Variants in LRP6 observed in about 807,000 individuals in gnomAD.
LRP6 encodes low-density lipoprotein receptor-related protein 6.
Under a neutral mutation model 184.1 loss-of-function variants are expected in LRP6, and 43 were observed. The ratio of observed to expected loss-of-function variants is 0.23; its 90% CI spans 0.18 to 0.30. The LOEUF is 0.30. Among genes scored for constraint, LRP6 ranks in the 10% least tolerant of loss-of-function variants. The probability of loss-of-function intolerance (pLI) is 1.00; values close to 1 mark genes in which losing one functional copy is unlikely to be tolerated. For synonymous variants in LRP6, 719 were observed against 684.9 expected (o/e 1.05, Z -0.78); for missense variants, 1,571 against 2,005.3 (o/e 0.78, Z 4.14).
In LRP6 at chr12:12,245,996, C is replaced by CTTT. The variant is rs71061029; in HGVS notation, c.56-1344_56-1342dup. 6.5e-3 allele frequency among the ~76,000 whole-genome samples: 584 copies of CTTT among 90,136 alleles called. 8 individuals carry two copies. The highest frequency in any genetic ancestry group is 0.012 in the African/African-American group (280 of 24,238). The allele number at this position is 90,136 out of a possible 152,430, so 59.1% of individuals were successfully genotyped here. A position where few individuals can be genotyped will look rare whatever the true frequency, so the allele number is the denominator to read the frequency against. On this transcript the variant is annotated intron_variant, in intron 1 of 22. Coordinates refer to ENST00000261349, the MANE Select transcript of LRP6 (RefSeq NM_002336.3). Reference sequence around the variant, plus strand: ...AATTAAATTTTTAATTTTATATAAACTTTTTTTTTTTTTTTTTTTTTTTGA... The same window carrying CTTT: ...AATTAAATTTTTAATTTTATATAAACTTTTTTTTTTTTTTTTTTTTTTTTTTGA...
intron 15 of LRP6, among the ~76,000 whole-genome samples, chr12:12,144,519 T>C (rs755098996): frequency 5.9e-5 from 9 of 152,144 alleles, no homozygotes; most frequent in Non-Finnish European, 1.2e-4. Flanking sequence ...TGTGTGCCCA[T>C]AGTCCTAGCT....
intron 16 of LRP6, among the ~76,000 whole-genome samples, chr12:12,135,986 A>G (rs1443340228): frequency 6.6e-6 from 1 of 152,094 alleles, no homozygotes; most frequent in African/African-American, 2.4e-5. Flanking sequence ...GGAGTTCAAG[A>G]CCAGCCTGGG....
At chr12:12,133,568 T>C (rs1323764014) in intron 17 of LRP6, among the ~76,000 whole-genome samples, 1 of 152,110 alleles carries the variant, frequency 6.6e-6, no homozygotes, top group African/African-American at 2.4e-5. Flanking sequence ...TTTTTCTTTA[T>C]AAGTTACCCA....
At chr12:12,184,786 G>C (rs1158278228) in intron 4 of LRP6, among the ~76,000 whole-genome samples, 1 of 151,920 alleles carries the variant, frequency 6.6e-6, no homozygotes, top group Non-Finnish European at 1.5e-5. Context: ...AACATAGAAG[G>C]GATAAGCAGA....
intron 2 of LRP6, among the ~76,000 whole-genome samples, chr12:12,218,281 T>G (rs1044791432): frequency 6.6e-6 from 1 of 152,044 alleles, no homozygotes; most frequent in Non-Finnish European, 1.5e-5. Flanking sequence ...AAGACCAGCC[T>G]GGGCAACATA....
intron 2 of LRP6, among the ~76,000 whole-genome samples, chr12:12,207,918 G>C (rs1270272676): frequency 1.3e-5 from 2 of 152,128 alleles, no homozygotes; most frequent in South Asian, 2.1e-4. Context: ...CAGTGACACA[G>C]AGGCAATCCC....
chr12:12,205,325 C>CAAAAAAAAAAAAAAAAAAAAAAAAAAAA (rs1334062234), intron 2 of LRP6, among the ~76,000 whole-genome samples: 2 of 26,230 alleles, frequency 7.6e-5, no homozygotes, highest in African/African-American at 1.9e-4. Flanking sequence ...CTGTCTCAAA[C>CAAAAAAAAAAAAAAAAAAAAAAAAAAAA]AAACAAAAAA....
At chr12:12,221,324 C>T (rs183821293) in intron 2 of LRP6, among the ~76,000 whole-genome samples, 133 of 152,228 alleles carry the variant, frequency 8.7e-4, no homozygotes, top group South Asian at 2.1e-4. Flanking sequence ...AACTTCAAAA[C>T]CCAATAATCA....
chr12:12,228,457 G>A (rs1193517728), intron 2 of LRP6, among the ~76,000 whole-genome samples: 1 of 152,174 alleles, frequency 6.6e-6, no homozygotes, highest in Non-Finnish European at 1.5e-5. Flanking sequence ...TGACCCAGCA[G>A]CAGAATGAGT....
intron 7 of LRP6, 97 bp from the exon 8 acceptor site, chr12:12,165,392 A>G: frequency 1.2e-6 from 1 of 860,802 alleles, no homozygotes; most frequent in South Asian, 1.3e-5. Flanking sequence ...AAAATCCAAG[A>G]GTCATCTTGG....
At chr12:12,216,521 G>A (rs1864348872) in intron 2 of LRP6, among the ~76,000 whole-genome samples, 1 of 152,116 alleles carries the variant, frequency 6.6e-6, no homozygotes, top group Non-Finnish European at 1.5e-5. Flanking sequence ...TGTGAGGAGT[G>A]AGGAGGTGGG....
At chr12:12,200,380 C>T (rs1303366639) in intron 3 of LRP6, among the ~76,000 whole-genome samples, 2 of 152,166 alleles carry the variant, frequency 1.3e-5, no homozygotes, top group Non-Finnish European at 2.9e-5. Context: ...TTTTTAGCTT[C>T]AACTCTGTTC....
At chr12:12,170,832 C>T (rs1398066392) in intron 7 of LRP6, among the ~76,000 whole-genome samples, 3 of 122,506 alleles carry the variant, frequency 2.4e-5, no homozygotes, top group South Asian at 2.5e-4. Flanking sequence ...CACACACACA[C>T]GTCTTAGATG....
chr12:12,134,021 T>C (rs1949796496), intron 17 of LRP6, among the ~76,000 whole-genome samples: 1 of 152,180 alleles, frequency 6.6e-6, no homozygotes, highest in Non-Finnish European at 1.5e-5. Flanking sequence ...GACTACGCTG[T>C]ATGCTATCTC....
At chr12:12,139,323 G>A (rs543831392) in intron 15 of LRP6, among the ~76,000 whole-genome samples, 43 of 152,148 alleles carry the variant, frequency 2.8e-4, no homozygotes, top group Non-Finnish European at 5.9e-4. Context: ...AGAAAAGTGG[G>A]GAGATATTCC....
In LRP6 at chr12:12,159,808, G is replaced by T. The variant is rs988916810; in HGVS notation, c.2436C>A (p.Thr812=). The part of the protein sequence containing the change: ...KRRLYWTDLD[T]NLIESSNMLG... ...GCATATTTGAAGATTCTATTAAGTT[G>T]GTGTCCAGGTCTGTCCAATAAAGCC... Residue 812 remains threonine, a synonymous_variant, in exon 11 of 23, where the codon ACC becomes ACA. Coordinates refer to ENST00000261349, the MANE Select transcript of LRP6 (RefSeq NM_002336.3). 1.9e-6 allele frequency: 3 copies of T among 1,614,036 alleles called. No individual in the cohort carries two copies. The Admixed American group carries it at 5.0e-5, about 27-fold the overall frequency.
intron 13 of LRP6, 56 bp from the exon 14 acceptor site, chr12:12,149,209 G>C: frequency 7.3e-7 from 1 of 1,375,474 alleles, no homozygotes; most frequent in Non-Finnish European, 1.0e-6. Flanking sequence ...ATAACCCTGA[G>C]GCAATCAGTC....
chr12:12,240,186 T>G (rs1865027553), intron 2 of LRP6, among the ~76,000 whole-genome samples: 1 of 152,188 alleles, frequency 6.6e-6, no homozygotes, highest in South Asian at 2.1e-4. Context: ...ATTTTTTAGA[T>G]AATGATCTCA....
intron 1 of LRP6, among the ~76,000 whole-genome samples, chr12:12,264,374 G>A (rs1460971751): frequency 6.6e-6 from 1 of 152,174 alleles, no homozygotes; most frequent in African/African-American, 2.4e-5. Flanking sequence ...GAACCACAAA[G>A]TTATGAAGTT....
Sources: gnomAD v4.1 joint callset for allele counts (sites outside exome capture counted in the v4.1 genomes callset) on GRCh38, gnomAD v4.1.1 for gene constraint, MANE v1.5 for transcripts, NCBI Gene and HGNC (gene_info 2026-07-23, HGNC 2026-07-21) for gene names.